Variants in KLC4 observed in about 807,000 individuals in gnomAD.
KLC4 encodes the protein kinesin-like protein 8.
In KLC4, 49 loss-of-function variants were observed where a neutral mutation model predicts 77.2. The observed-to-expected ratio is 0.63, with a 90% CI of 0.50 to 0.80. The LOEUF (loss-of-function observed/expected upper bound fraction) is 0.80, where lower values mean the gene tolerates loss of function less well. Ranked by LOEUF, KLC4 falls within the 30% of genes least tolerant of loss-of-function variation. KLC4 has a pLI of 0.00. For synonymous variants in KLC4, 274 were observed against 314.5 expected, an observed-to-expected ratio of 0.87 and a Z score of 1.36; for missense variants, 669 against 793.5, an observed-to-expected ratio of 0.84 and a Z score of 1.89.
rs1765710796 is a variant in KLC4 at position 43,071,312 on chromosome 6, C to A, written c.1193C>A (p.Ala398Asp). The A allele has an allele frequency of 6.2e-7, 1 of 1,613,778 alleles. No homozygotes were observed. The highest frequency in any genetic ancestry group is 1.7e-5 in the Admixed American group (1 of 59,972). Residue 398 changes from alanine (A) to aspartate (D), a missense_variant, in exon 9 of 16, where the codon GCT becomes GAT. Coordinates refer to ENST00000347162, the MANE Select transcript of KLC4 (RefSeq NM_201521.3). The part of the protein sequence containing the change: ...CYLKQGKYAE[A>D]ETLYKEILTR... ...CTGAAACAGGGCAAATATGCTGAGG[C>A]TGAGACACTATACAAAGAGATCCTG...
chr6:43,065,019 A>G (rs1043881580), intron 3 of KLC4, among the ~76,000 whole-genome samples: 16 of 152,208 alleles, frequency 1.1e-4, no homozygotes, highest in African/African-American at 3.4e-4. Flanking sequence ...GCATAGGGCC[A>G]TAATTACAAG....
chr6:43,069,770 A>G (rs1055711093), intron 6 of KLC4, among the ~76,000 whole-genome samples: 2 of 151,918 alleles, frequency 1.3e-5, no homozygotes, highest in East Asian at 3.9e-4. Context: ...CTGGTCTCGA[A>G]CTCCTGACCT....
Position 43,073,908 on chromosome 6 carries a change from C to T in KLC4, c.1752C>T (p.Asn584=). The change falls in exon 15 of 16, where the codon AAC becomes AAT. Residue 584 remains asparagine (N), a synonymous_variant. Transcript: ENST00000347162. ...QGTEPRPSSS[N]MKRAASLNYL... ...CTTCCGTTTTCCATTGTAGCAGCAA[C>T]ATGAAGCGAGCAGCCTCCTTGAACT... is the stretch of plus-strand genomic sequence containing the variant. 1 of 1,614,108 alleles carries T rather than the reference C, an allele frequency of 6.2e-7. No individual in the cohort carries two copies. Among genetic ancestry groups the T allele is most frequent in the South Asian group, 1.1e-5 (1 of 91,084 alleles).
chr6:43,074,669 C>T lies in KLC4; in HGVS notation c.1857C>T (p.Ser619=). The change falls in exon 16 of 16, where the codon AGC becomes AGT. Residue 619 remains serine (S), a synonymous_variant. Transcript: ENST00000347162. Reference sequence around the variant, plus strand: ...GCACCATGGACCTCTCTTCAAGCAGCTGACATTCAACCCGGCCCCCAGGTC... The same window carrying T: ...GCACCATGGACCTCTCTTCAAGCAGTTGACATTCAACCCGGCCCCCAGGTC... ...SASTMDLSSS[S] The T allele has an allele frequency of 6.2e-7, 1 of 1,614,104 alleles. No individual in the cohort carries two copies. Among genetic ancestry groups the T allele is most frequent in the Non-Finnish European group, 8.5e-7 (1 of 1,179,924 alleles).
intron 2 of KLC4, chr6:43,062,531 A>C (rs769936629): frequency 4.8e-5 from 11 of 231,376 alleles, no homozygotes; most frequent in Non-Finnish European, 9.5e-5. Flanking sequence ...GGCGTGAGCC[A>C]CTGTGCCTGG....
intron 14 of KLC4, chr6:43,073,668 A>AT (rs1765839734): frequency 3.5e-6 from 2 of 569,838 alleles, no homozygotes; most frequent in Admixed American, 6.7e-5. Context: ...AGAAAAAAAA[A>AT]AAAGATATGG....
At chr6:43,073,838 C>A (rs1765846660) in intron 14 of KLC4, 64 bp from the exon 15 acceptor site, 29 of 1,472,276 alleles carry the variant, frequency 2.0e-5, no homozygotes, top group Non-Finnish European at 2.8e-5. Context: ...CTCAAGAGGC[C>A]CACAGCCTTA....
At chr6:43,072,014 G>C (rs1456584622) in intron 11 of KLC4, 92 bp downstream of exon 11, 2 of 1,432,280 alleles carry the variant, frequency 1.4e-6, no homozygotes, top group Non-Finnish European at 1.9e-6. Flanking sequence ...TCCTCCCGTA[G>C]ACTTTCCCTC....
Position 43,072,145 on chromosome 6 carries a change from A to G in KLC4, c.1380-2A>G. 6.2e-7 allele frequency: 1 copy of G among 1,612,130 alleles called. No homozygotes were observed. Among genetic ancestry groups the G allele is most frequent in the Non-Finnish European group, 8.5e-7 (1 of 1,178,296 alleles). On this transcript the variant is annotated splice_acceptor_variant, in intron 11 of 15. Coordinates refer to ENST00000347162, the MANE Select transcript of KLC4 (RefSeq NM_201521.3). LOFTEE classifies it high-confidence loss of function. ...CCTTCTCTGGTCTCTTTCTCACCACAGCCCCACAGTGAACACTACTCTGAG... is the reference window on the plus strand; with the variant it reads ...CCTTCTCTGGTCTCTTTCTCACCACGGCCCCACAGTGAACACTACTCTGAG...
chr6:43,073,066 A>G, intron 13 of KLC4, 102 bp downstream of exon 13: 1 of 1,453,992 alleles, frequency 6.9e-7, no homozygotes, highest in Non-Finnish European at 9.3e-7. Context: ...GTATTCCTTC[A>G]GGGGTATCTC....
intron 1 of KLC4, chr6:43,060,565 T>A: frequency 8.1e-7 from 1 of 1,231,894 alleles, no homozygotes; most frequent in Non-Finnish European, 1.0e-6. Flanking sequence ...TTCCGTGCTC[T>A]GGCCTGAGTG....
intron 6 of KLC4, among the ~76,000 whole-genome samples, chr6:43,067,656 G>A (rs1032873472): frequency 3.3e-4 from 50 of 151,696 alleles, no homozygotes; most frequent in South Asian, 2.3e-3. Context: ...AATGCCGGGC[G>A]TGGTGGCGGG....
chr6:43,061,078 C>G, intron 1 of KLC4: 2 of 554,400 alleles, frequency 3.6e-6, no homozygotes, highest in Admixed American at 6.5e-5. Flanking sequence ...TTTGTTCCTA[C>G]TATAGTCTTC....
At position 43,065,644 on chromosome 6, in the gene KLC4, A is replaced by G; in HGVS notation, c.514A>G (p.Lys172Glu). The G allele has an allele frequency of 1.2e-6, 2 of 1,613,918 alleles. No individual in the cohort carries two copies. Among genetic ancestry groups the G allele is most frequent in the Non-Finnish European group, 1.7e-6 (2 of 1,179,836 alleles). ...GGAGGAGAAAGAAGGCGATGCCACC[A>G]AGGATTCCCTGGATGACCTCTTTCC... is the stretch of plus-strand genomic sequence containing the variant. ...TSEEKEGDAT[K>E]DSLDDLFPNE... The change falls in exon 4 of 16, where the codon AAG becomes GAG. Residue 172 changes from lysine (K) to glutamate (E), a missense_variant. Physicochemically the swap from Lys to Glu is moderately conservative, Grantham distance 56. Coordinates refer to ENST00000347162, the MANE Select transcript of KLC4 (RefSeq NM_201521.3).
In KLC4 at chr6:43,068,157, C is replaced by T. The variant is rs1233577564; in HGVS notation, c.879+1074C>T. On this transcript the variant is annotated intron_variant, in intron 6 of 15. Coordinates refer to ENST00000347162, the MANE Select transcript of KLC4 (RefSeq NM_201521.3). ...AAAAAAAAGAAAATATAGGTGGACA[C>T]TTTATTAAAGTACAGTATTATAAGA... is the stretch of plus-strand genomic sequence containing the variant. Among the ~76,000 whole-genome samples the T allele has an allele frequency of 3.4e-4, 47 of 137,034 alleles. No individual in the cohort carries two copies. The South Asian group carries it at 0.012, about 34-fold the overall frequency. The allele number at this position is 137,034 out of a possible 152,430, so 89.9% of individuals were successfully genotyped here. A position where few individuals can be genotyped will look rare whatever the true frequency, so the allele number is the denominator to read the frequency against.
At position 43,065,662 on chromosome 6, in the gene KLC4, C is replaced by G; in HGVS notation, c.532C>G (p.Leu178Val). The G allele has an allele frequency of 6.2e-7, 1 of 1,613,966 alleles. No homozygotes were observed. The highest frequency in any genetic ancestry group is 1.7e-5 in the Admixed American group (1 of 60,018). ...TGCCACCAAGGATTCCCTGGATGAC[C>G]TCTTTCCTAATGAGGAGGAAGAGGA... Reference protein sequence around the residue: ...GDATKDSLDDLFPNEEEEDPS... With the variant: ...GDATKDSLDDVFPNEEEEDPS... Residue 178 changes from leucine to valine, a missense_variant, in exon 4 of 16, where the codon CTC (leucine) becomes GTC (valine). By Grantham distance (32) the Leu-to-Val change is conservative. Transcript: ENST00000347162.
intron 2 of KLC4, chr6:43,062,640 T>C: frequency 4.1e-6 from 2 of 485,180 alleles, no homozygotes; most frequent in Non-Finnish European, 7.6e-6. Flanking sequence ...GGGTTACAAA[T>C]AGACAATAGG....
rs769554355 is a variant in KLC4 at position 43,070,335 on chromosome 6, G to A, written c.880-19G>A. On this transcript the variant is annotated intron_variant, in intron 6 of 15. Transcript: ENST00000347162. ...TTTTGCAACCCAAATGTCTGATGGG[G>A]ACAGGCCTGTCTTCATAGGTGGCTG... 1.3e-6 allele frequency: 2 copies of A among 1,588,148 alleles called. No homozygotes were observed. Among genetic ancestry groups the A allele is most frequent in the East Asian group, 4.5e-5 (2 of 44,768 alleles).
In KLC4 at chr6:43,066,493, C is replaced by T; in HGVS notation, c.759C>T (p.Ala253=). 1 of 1,613,678 alleles carries T rather than the reference C, an allele frequency of 6.2e-7. No individual in the cohort carries two copies. The highest frequency in any genetic ancestry group is 8.5e-7 in the Non-Finnish European group (1 of 1,179,770). Residue 253 remains alanine (A), a synonymous_variant, in exon 5 of 16, where the codon GCC becomes GCT. Coordinates refer to ENST00000347162, the MANE Select transcript of KLC4 (RefSeq NM_201521.3). ...CAGGCCGTGGCCACCCTGATGTCGC[C>T]ACCATGCTCAACATCCTTGCTTTGG... ...RTSGRGHPDV[A]TMLNILALVY... is the part of the protein sequence containing the mutation.
Sources: allele counts gnomAD v4.1 joint callset (sites outside exome capture counted in the v4.1 genomes callset), GRCh38; gene constraint gnomAD v4.1.1; transcripts MANE v1.5; gene names NCBI Gene and HGNC (gene_info 2026-07-23, HGNC 2026-07-21).